Variants in RFTN1 observed in about 807,000 individuals in gnomAD.
RFTN1 encodes raftlin.
A neutral mutation model predicts 46.5 loss-of-function variants in RFTN1; 26 were observed. That is an observed-to-expected ratio of 0.56 (90% CI 0.41 to 0.78). The LOEUF (loss-of-function observed/expected upper bound fraction) is 0.78, where lower values mean the gene tolerates loss of function less well. Ranked by LOEUF, RFTN1 falls within the 30% of genes least tolerant of loss-of-function variation. The pLI is 0.00. For missense variants in RFTN1, 693 were observed against 718.7 expected, an observed-to-expected ratio of 0.96 and a Z score of 0.41; for synonymous variants, 261 against 284.2, an observed-to-expected ratio of 0.92 and a Z score of 0.82.
Position 16,316,918 on chromosome 3 carries a change from C to T in RFTN1, c.1647G>A (p.Gly549=), listed in dbSNP as rs750682930. The T allele has an allele frequency of 5.0e-6, 8 of 1,614,124 alleles. No homozygotes were observed. The highest frequency in any genetic ancestry group is 6.8e-6 in the Non-Finnish European group (8 of 1,180,024). The change falls in exon 10 of 10, where the codon GGG becomes GGA. Residue 549 remains glycine, a synonymous_variant. Transcript: ENST00000334133. This position sits in a 1 kb window ranked among gnomAD's most constrained non-coding sequence, Gnocchi z 4.5. ...CAGGATTGGAGTGCCCAGTGCAAAT[C>T]CCCACCAGGGCCCTGCTGTGGCTGG... is the stretch of plus-strand genomic sequence containing the variant. ...GPASHSRALV[G]ICTGHSNPGE...
intron 9 of RFTN1, among the ~76,000 whole-genome samples, chr3:16,318,838 T>C (rs689716): frequency 0.58 from 88,391 of 152,114 alleles, 25,870 homozygotes; most frequent in African/African-American, 0.66. Context: ...CAGACTTCCC[T>C]TAGGAGATGG....
chr3:16,326,962 C>T (rs766746639), intron 7 of RFTN1, 86 bp from the exon 8 acceptor site: 9 of 983,182 alleles, frequency 9.2e-6, no homozygotes, highest in South Asian at 4.4e-5. Flanking sequence ...TCTGCCAATC[C>T]GCAAAACAGA....
intron 4 of RFTN1, among the ~76,000 whole-genome samples, chr3:16,403,851 ATTTT>A (rs1205624578): frequency 1.4e-4 from 1 of 7,172 alleles, no homozygotes; most frequent in Non-Finnish European, 1.8e-4. Context: ...TATAATATAT[ATTTT>A]ATATATATTA....
Position 16,446,659 on chromosome 3 carries a change from T to C in RFTN1, c.146-12622A>G, listed in dbSNP as rs529786149. 5.3e-5 allele frequency among the ~76,000 whole-genome samples: 8 copies of C among 152,128 alleles called. No individual in the cohort carries two copies. The highest frequency in any genetic ancestry group is 1.9e-4 in the African/African-American group (8 of 41,490). The stretch of plus-strand genomic sequence containing the variant: ...CTTTGTAAAGATGGCCAAATAATAA[T>C]AGGACAAAGACCATGGTTGTATACA... On this transcript the variant is annotated intron_variant, in intron 2 of 9. Transcript: ENST00000334133. The surrounding 1 kb of genome is among the most constrained non-coding windows in gnomAD (Gnocchi z 4.5).
At chr3:16,399,870 C>T (rs922620808) in intron 4 of RFTN1, among the ~76,000 whole-genome samples, 4 of 152,134 alleles carry the variant, frequency 2.6e-5, no homozygotes, top group Non-Finnish European at 5.9e-5. Context: ...CAGAAGCAAC[C>T]CTGGTGGTCT....
At chr3:16,411,079 A>G (rs139775920) in intron 3 of RFTN1, among the ~76,000 whole-genome samples, 2 of 152,294 alleles carry the variant, frequency 1.3e-5, no homozygotes, top group East Asian at 3.9e-4. Context: ...GTACACAGCT[A>G]ATCTGCACTG....
chr3:16,346,286 T>G lies in RFTN1; in HGVS notation c.1146+11646A>C, dbSNP rs564860451. The G allele has an allele frequency of 5.9e-5, 9 of 152,364 alleles. No homozygotes were observed. The East Asian group carries it at 7.7e-4, about 13-fold the overall frequency. The allele number at this position is 152,364 out of a possible 1,614,324, so 9.4% of individuals were successfully genotyped here. A position where few individuals can be genotyped will look rare whatever the true frequency, so the allele number is the denominator to read the frequency against. ...ACAGTGGCTGACACACAGTAGGAAC[T>G]CAATATTTATTTGTTGGATAAATTT... On this transcript the variant is annotated intron_variant, in intron 7 of 9. Coordinates refer to ENST00000334133, the MANE Select transcript of RFTN1 (RefSeq NM_015150.2). The surrounding 1 kb of genome is among the most constrained non-coding windows in gnomAD (Gnocchi z 4.4).
rs148162192 is a variant in RFTN1, at chr3:16,334,466, C to T, written c.1147-7590G>A. On this transcript the variant is annotated intron_variant, in intron 7 of 9. Coordinates refer to ENST00000334133, the MANE Select transcript of RFTN1 (RefSeq NM_015150.2). The surrounding 1 kb of genome is among the most constrained non-coding windows in gnomAD (Gnocchi z 4.3). Reference sequence around the variant, plus strand: ...ATGCACAGAGTTATTCACTGGAGAGCGGTCTGCAGTAGCAAGACACTGGAA... The same window carrying T: ...ATGCACAGAGTTATTCACTGGAGAGTGGTCTGCAGTAGCAAGACACTGGAA... Among the ~76,000 whole-genome samples the T allele has an allele frequency of 8.2e-4, 125 of 152,244 alleles. No homozygotes were observed. Among genetic ancestry groups the T allele is most frequent in the African/African-American group, 2.7e-3 (112 of 41,530 alleles).
rs1355826008 is a variant in RFTN1 at position 16,429,012 on chromosome 3, C to A, written c.332+4839G>T. ...AAGAAAGAGTTGAGAAAATGAAGTACAAACTCTCTTTCTACTTATTCACTA... is the reference window on the plus strand; with the variant it reads ...AAGAAAGAGTTGAGAAAATGAAGTAAAAACTCTCTTTCTACTTATTCACTA... On this transcript the variant is annotated intron_variant, in intron 3 of 9. Transcript: ENST00000334133. The surrounding 1 kb of genome is among the most constrained non-coding windows in gnomAD (Gnocchi z 6.4). Among the ~76,000 whole-genome samples, 1 of 152,172 alleles carries A rather than the reference C, an allele frequency of 6.6e-6. No homozygotes were observed. Among genetic ancestry groups the A allele is most frequent in the Non-Finnish European group, 1.5e-5 (1 of 68,016 alleles).
At chr3:16,490,633 C>T (rs2076525890) in intron 2 of RFTN1, among the ~76,000 whole-genome samples, 1 of 152,230 alleles carries the variant, frequency 6.6e-6, no homozygotes, top group Non-Finnish European at 1.5e-5. Context: ...CCGACATTCG[C>T]ATCCCTCAAT....
chr3:16,470,045 A>AG (rs150170507), intron 2 of RFTN1, among the ~76,000 whole-genome samples: 12,596 of 152,180 alleles, frequency 0.083, 667 homozygotes, highest in Middle Eastern at 0.13. Context: ...TCAGAAAGAG[A>AG]GGGGGGTCCA....
At chr3:16,409,745 C>T (rs1430337991) in intron 3 of RFTN1, among the ~76,000 whole-genome samples, 6 of 144,882 alleles carry the variant, frequency 4.1e-5, no homozygotes, top group East Asian at 2.1e-4. Flanking sequence ...AGTGCAGTGG[C>T]GTGATCTCGG....
At position 16,422,289 on chromosome 3, in the gene RFTN1, C is replaced by G. The variant is rs547862401; in HGVS notation, c.332+11562G>C. Among the ~76,000 whole-genome samples, 302 of 152,280 alleles carry G rather than the reference C, an allele frequency of 2.0e-3. 3 individuals carry two copies. The highest frequency in any genetic ancestry group is 3.4e-3 in the Middle Eastern group (1 of 294). On this transcript the variant is annotated intron_variant, in intron 3 of 9. Transcript: ENST00000334133. This position sits in a 1 kb window ranked among gnomAD's most constrained non-coding sequence, Gnocchi z 4.6. ...CAGGAACTGAAGAAATTATTTCAGGCTTTACATGGAAAAATCAACGTACAA... is the reference window on the plus strand; with the variant it reads ...CAGGAACTGAAGAAATTATTTCAGGGTTTACATGGAAAAATCAACGTACAA...
At chr3:16,435,609 TA>T in intron 2 of RFTN1, among the ~76,000 whole-genome samples, 1 of 152,216 alleles carries the variant, frequency 6.6e-6, no homozygotes, top group East Asian at 1.9e-4. Context: ...ATACTTTTCT[TA>T]AGAGACCATT....
intron 2 of RFTN1, among the ~76,000 whole-genome samples, chr3:16,470,443 G>C (rs2076175230): frequency 6.6e-6 from 1 of 152,138 alleles, no homozygotes; most frequent in African/African-American, 2.4e-5. Flanking sequence ...CTAAAACTCG[G>C]ACAGAAACCC....
chr3:16,485,766 TTTAAA>T, intron 2 of RFTN1, among the ~76,000 whole-genome samples: 1 of 152,336 alleles, frequency 6.6e-6, no homozygotes, highest in South Asian at 2.1e-4. Context: ...TTTCATGGTA[TTTAAA>T]TTATAGTTCA....
intron 2 of RFTN1, among the ~76,000 whole-genome samples, chr3:16,486,502 T>C (rs771670935): frequency 1.6e-4 from 24 of 152,216 alleles, no homozygotes; most frequent in Non-Finnish European, 3.1e-4. Context: ...CGTGTTTTGA[T>C]CCCTCCCACA....
intron 9 of RFTN1, among the ~76,000 whole-genome samples, chr3:16,319,468 G>C (rs2068795321): frequency 1.3e-5 from 2 of 152,194 alleles, no homozygotes; most frequent in African/African-American, 4.8e-5. Flanking sequence ...CAGGGCTGCG[G>C]TGCACACCTC....
rs1249635997 is a variant in RFTN1 at position 16,429,198 on chromosome 3, G to A, written c.332+4653C>T. On this transcript the variant is annotated intron_variant, in intron 3 of 9. Transcript: ENST00000334133. This position sits in a 1 kb window ranked among gnomAD's most constrained non-coding sequence, Gnocchi z 6.4. ...GAAATGGCAGTTATTAGAATTTTCA[G>A]AAGAAAAGATCAGGTAATTTTTCAG... 6.6e-6 allele frequency among the ~76,000 whole-genome samples: 1 copy of A among 152,222 alleles called. No individual in the cohort carries two copies. The highest frequency in any genetic ancestry group is 2.4e-5 in the African/African-American group (1 of 41,458).
Sources: allele counts gnomAD v4.1 joint callset (sites outside exome capture counted in the v4.1 genomes callset), GRCh38; gene constraint gnomAD v4.1.1; non-coding constraint Gnocchi (gnomAD v3.1); transcripts MANE v1.5; gene names NCBI Gene and HGNC (gene_info 2026-07-23, HGNC 2026-07-21).